RPTOR: variants seen among roughly 807,000 people sequenced by gnomAD.
The protein encoded by RPTOR is regulatory-associated protein of mTOR.
A neutral mutation model predicts 169.9 loss-of-function variants in RPTOR; 21 were observed. The observed-to-expected ratio is 0.12, with a 90% CI of 0.09 to 0.18. The LOEUF (loss-of-function observed/expected upper bound fraction) is 0.18. Among genes scored for constraint, RPTOR ranks in the 10% least tolerant of loss-of-function variants. The pLI is 1.00. For synonymous variants in RPTOR, 732 were observed against 753.2 expected (o/e 0.97, Z 0.46); for missense variants, 1,133 against 1,855.9 (o/e 0.61, Z 7.16).
chr17:80,796,573 C>T (rs1304411620), intron 7 of RPTOR, among the ~76,000 whole-genome samples: 1 of 152,190 alleles, frequency 6.6e-6, no homozygotes, highest in Admixed American at 6.5e-5. Flanking sequence ...AATCCAGTCA[C>T]CTCCCACCAG....
At chr17:80,884,176 C>T (rs955287136) in intron 16 of RPTOR, among the ~76,000 whole-genome samples, 6 of 152,328 alleles carry the variant, frequency 3.9e-5, no homozygotes, top group Non-Finnish European at 5.9e-5. Context: ...AGTGCGCTCC[C>T]GGGGACAGTG....
chr17:80,646,864 A>G lies in RPTOR; in HGVS notation c.348+3054A>G, dbSNP rs1156734730. On this transcript the variant is annotated intron_variant, in intron 3 of 33. Coordinates refer to ENST00000306801, the MANE Select transcript of RPTOR (RefSeq NM_020761.3). The surrounding 1 kb of genome is among the most constrained non-coding windows in gnomAD (Gnocchi z 5.0). ...TCGGAGTCGTTGCCTCCACGCTGGC[A>G]TGGATGGGAGCAGAGTAGGAAATGC... Among the ~76,000 whole-genome samples the G allele has an allele frequency of 1.3e-5, 2 of 152,168 alleles. No individual in the cohort carries two copies. The highest frequency in any genetic ancestry group is 2.4e-5 in the African/African-American group (1 of 41,432).
At chr17:80,900,840 TC>T (rs1358944671) in intron 20 of RPTOR, among the ~76,000 whole-genome samples, 3 of 152,234 alleles carry the variant, frequency 2.0e-5, no homozygotes, top group Non-Finnish European at 4.4e-5. Context: ...CTTTTGTTGA[TC>T]CAGGAAGCTC....
At chr17:80,872,835 A>G (rs2068066366) in intron 13 of RPTOR, among the ~76,000 whole-genome samples, 1 of 152,148 alleles carries the variant, frequency 6.6e-6, no homozygotes, top group African/African-American at 2.4e-5. Flanking sequence ...GCCGAGGGCG[A>G]CCACAGAGGC....
intron 3 of RPTOR, among the ~76,000 whole-genome samples, chr17:80,662,232 C>G (rs1357327585): frequency 6.6e-6 from 1 of 152,200 alleles, no homozygotes; most frequent in Non-Finnish European, 1.5e-5. Context: ...CGCCTTCTGC[C>G]TCCTATCACC....
chr17:80,922,645 C>T (rs961693618), intron 21 of RPTOR, 79 bp from the exon 22 acceptor site: 42 of 1,202,374 alleles, frequency 3.5e-5, no homozygotes, highest in African/African-American at 4.5e-5. Context: ...AGCGGCTCCA[C>T]GCCAGCCTCT....
chr17:80,962,726 GC>G, intron 32 of RPTOR, 149 bp downstream of exon 32: 1 of 1,102,640 alleles, frequency 9.1e-7, no homozygotes, highest in Non-Finnish European at 1.3e-6. Flanking sequence ...AAAGATGTCT[GC>G]CCACCACATC....
At chr17:80,596,081 A>T (rs2065142558) in intron 1 of RPTOR, among the ~76,000 whole-genome samples, 1 of 152,222 alleles carries the variant, frequency 6.6e-6, no homozygotes, top group Non-Finnish European at 1.5e-5. Context: ...GTTGTGAAGA[A>T]ATGCACGTTG....
At chr17:80,740,583 T>C (rs191946677) in intron 5 of RPTOR, among the ~76,000 whole-genome samples, 104 of 152,346 alleles carry the variant, frequency 6.8e-4, no homozygotes, top group South Asian at 1.7e-3. Context: ...TGTGACTTAG[T>C]GAGTTTTTTT....
intron 7 of RPTOR, among the ~76,000 whole-genome samples, chr17:80,792,415 A>G (rs2067057702): frequency 6.6e-6 from 1 of 152,084 alleles, no homozygotes; most frequent in African/African-American, 2.4e-5. Flanking sequence ...ATTATGTGTA[A>G]ACGTTCATGA....
chr17:80,920,714 G>A (rs9897968), intron 21 of RPTOR, among the ~76,000 whole-genome samples: 36,097 of 152,262 alleles, frequency 0.24, 4,621 homozygotes, highest in African/African-American at 0.33. Flanking sequence ...TTTGTGCTCC[G>A]TGAGCGTCTG....
intron 28 of RPTOR, among the ~76,000 whole-genome samples, chr17:80,954,378 TC>T (rs201249139): frequency 0.018 from 2,770 of 152,296 alleles, 87 homozygotes; most frequent in African/African-American, 0.063. Flanking sequence ...CGCCTCAGCC[TC>T]CCAAAGTGCT....
At chr17:80,879,277 G>A (rs2068158211) in intron 13 of RPTOR, among the ~76,000 whole-genome samples, 4 of 151,288 alleles carry the variant, frequency 2.6e-5, no homozygotes. Context: ...TGTCTGACCC[G>A]TAGCCCACCT....
chr17:80,669,533 C>T (rs993975204), intron 3 of RPTOR, among the ~76,000 whole-genome samples: 9 of 152,184 alleles, frequency 5.9e-5, no homozygotes, highest in African/African-American at 1.7e-4. Context: ...TACAGGCGTG[C>T]GCCACCATGC....
At chr17:80,918,469 C>CATAGCCATGAGCACCCTCGCG (rs1567986109) in intron 21 of RPTOR, among the ~76,000 whole-genome samples, 4 of 18,284 alleles carry the variant, frequency 2.2e-4, no homozygotes, top group African/African-American at 8.1e-4. Context: ...GCACCCTCGC[C>CATAGCCATGAGCACCCTCGCG]GGAGTCATAG....
At chr17:80,795,562 TA>T (rs2067092921) in intron 7 of RPTOR, among the ~76,000 whole-genome samples, 1 of 151,496 alleles carries the variant, frequency 6.6e-6, no homozygotes, top group African/African-American at 2.4e-5. Flanking sequence ...GCTAAAGGTT[TA>T]TTTTTTTTTT....
rs1478404075 is a variant in RPTOR, at chr17:80,823,651, A to T, written c.1136+428A>T. The T allele has an allele frequency of 0.028, 3,287 of 117,180 alleles. 114 individuals carry two copies. The highest frequency in any genetic ancestry group is 0.098 in the African/African-American group (3,103 of 31,804). 7.3% of individuals were successfully genotyped at this position (117,180 alleles called of 1,614,324 possible). On this transcript the variant is annotated intron_variant, in intron 9 of 33. Coordinates refer to ENST00000306801, the MANE Select transcript of RPTOR (RefSeq NM_020761.3). The surrounding 1 kb of genome is among the most constrained non-coding windows in gnomAD (Gnocchi z 4.5). ...TTTTATGCTTATTTCTCACACACACACACACACACACACACACACACACAC... is the reference window on the plus strand; with the variant it reads ...TTTTATGCTTATTTCTCACACACACTCACACACACACACACACACACACAC...
chr17:80,571,548 T>G (rs991967955), intron 1 of RPTOR, among the ~76,000 whole-genome samples: 1 of 152,172 alleles, frequency 6.6e-6, no homozygotes, highest in Non-Finnish European at 1.5e-5. Context: ...TGAGATCGGG[T>G]CTCATTCTGT....
chr17:80,796,054 G>A (rs2067098617), intron 7 of RPTOR, among the ~76,000 whole-genome samples: 1 of 152,180 alleles, frequency 6.6e-6, no homozygotes, highest in Non-Finnish European at 1.5e-5. Flanking sequence ...AGATGGCAAG[G>A]CGCCAGAGAG....
Sources: gnomAD v4.1 joint callset for allele counts (sites outside exome capture counted in the v4.1 genomes callset) on GRCh38, gnomAD v4.1.1 for gene constraint, Gnocchi (gnomAD v3.1) non-coding constraint, MANE v1.5 for transcripts, NCBI Gene and HGNC (gene_info 2026-07-23, HGNC 2026-07-21) for gene names.